The following USP42 variants were observed in gnomAD, a reference collection of about 807,000 sequenced individuals.
The protein encoded by USP42 is ubiquitin carboxyl-terminal hydrolase 42.
In USP42, 23 loss-of-function variants were observed where a neutral mutation model predicts 113.0. That is an observed-to-expected ratio of 0.20 (90% CI 0.15 to 0.29). The LOEUF is 0.29. USP42 is among the 10% of genes least tolerant of loss of function. USP42 has a pLI of 1.00. For missense variants in USP42, 2,174 were observed against 1,779.8 expected (o/e 1.22, Z -3.99); for synonymous variants, 933 against 699.0 (o/e 1.33, Z -5.28).
intron 3 of USP42, among the ~76,000 whole-genome samples, chr7:6,116,077 C>T (rs189205285): frequency 2.3e-4 from 33 of 146,474 alleles, no homozygotes; most frequent in Middle Eastern, 7.1e-3. Context: ...GTACTTCAGC[C>T]TAGACAACAG....
rs189370785 is a variant in USP42 at position 6,154,108 on chromosome 7, C to T, written c.2554C>T (p.Pro852Ser). The T allele has an allele frequency of 4.0e-4, 640 of 1,603,910 alleles. No individual in the cohort carries two copies. The highest frequency in any genetic ancestry group is 4.7e-4 in the Non-Finnish European group (552 of 1,177,974). The change falls in exon 15 of 18, where the codon CCG (proline) becomes TCG (serine). Residue 852 changes from proline to serine, a missense_variant. Coordinates refer to ENST00000306177, the MANE Select transcript of USP42 (RefSeq NM_032172.3). ...GPRDSALAEA[P>S]EGLSPAPPAR... is the part of the protein sequence containing the mutation. ...GCGGGACTCGGCGTTGGCGGAAGCC[C>T]CGGAAGGGTTGAGTCCGGCTCCGCC...
chr7:6,125,440 A>G (rs893029211), intron 3 of USP42, among the ~76,000 whole-genome samples: 14 of 152,178 alleles, frequency 9.2e-5, no homozygotes, highest in African/African-American at 3.4e-4. Flanking sequence ...CAGTGAGCCA[A>G]GAACACACCA....
chr7:6,114,173 G>A (rs1779751123), intron 2 of USP42, among the ~76,000 whole-genome samples: 3 of 152,046 alleles, frequency 2.0e-5, no homozygotes, highest in African/African-American at 7.2e-5. Context: ...TGGTAAAATG[G>A]GAATGACATC....
rs1335708358 is a variant in USP42 at position 6,159,438 on chromosome 7, T to G, written c.3944-12T>G. The G allele has an allele frequency of 6.2e-7, 1 of 1,613,962 alleles. No homozygotes were observed. Among genetic ancestry groups the G allele is most frequent in the Non-Finnish European group, 8.5e-7 (1 of 1,179,876 alleles). On this transcript the variant is annotated splice_polypyrimidine_tract_variant and intron_variant, in intron 16 of 17. Transcript: ENST00000306177. This position sits in a 1 kb window ranked among gnomAD's most constrained non-coding sequence, Gnocchi z 4.1. Reference sequence around the variant, plus strand: ...CATCATTAAAATCTCTTTCCTGACCTTTGCTTTCTAGGTGATTGAAAACTC... The same window carrying G: ...CATCATTAAAATCTCTTTCCTGACCGTTGCTTTCTAGGTGATTGAAAACTC...
the USP42 span, among the ~76,000 whole-genome samples, chr7:6,082,931 A>G: frequency 1.4e-5 from 2 of 144,622 alleles, no homozygotes; most frequent in South Asian, 2.1e-4. Flanking sequence ...TTAAATATAT[A>G]TAGATACATA....
chr7:6,150,658 C>A (rs566345), intron 14 of USP42, among the ~76,000 whole-genome samples, 152 bp downstream of exon 14: 1 of 152,178 alleles, frequency 6.6e-6, no homozygotes, highest in Non-Finnish European at 1.5e-5. Flanking sequence ...GATTTATTAA[C>A]TTGCCTTTTA....
At chr7:6,088,585 CCTT>C in the USP42 span, among the ~76,000 whole-genome samples, 10 of 151,154 alleles carry the variant, frequency 6.6e-5, no homozygotes, top group Admixed American at 6.6e-4. Flanking sequence ...TATTGACAAT[CCTT>C]CTTTGCTCCT....
intron 2 of USP42, among the ~76,000 whole-genome samples, chr7:6,112,716 A>C (rs1448358337): frequency 6.6e-6 from 1 of 151,864 alleles, no homozygotes; most frequent in Non-Finnish European, 1.5e-5. Flanking sequence ...TTCTTAAAAC[A>C]TTGAGTTTTT....
At chr7:6,089,000 GCC>G in the USP42 span, 6 of 150,344 alleles carry the variant, frequency 4.0e-5, no homozygotes, top group East Asian at 9.7e-4. Flanking sequence ...CTGAGCCAGA[GCC>G]TGCACTGGGG....
intron 11 of USP42, 121 bp downstream of exon 11, chr7:6,146,369 T>C (rs983503414): frequency 1.4e-6 from 1 of 703,198 alleles, no homozygotes; most frequent in Non-Finnish European, 2.3e-6. Context: ...AGCTTAAAGA[T>C]CAACTCTAGC....
chr7:6,154,782 C>G lies in USP42; in HGVS notation c.3228C>G (p.Pro1076=). 6.4e-7 allele frequency: 1 copy of G among 1,550,706 alleles called. No individual in the cohort carries two copies. Among genetic ancestry groups the G allele is most frequent in the South Asian group, 1.2e-5 (1 of 84,098 alleles). ...TGTACGCTGCCCGGGACTGGAAGCCCTTCCACGGCGGCCGCGAGCACGAGC... is the reference window on the plus strand; with the variant it reads ...TGTACGCTGCCCGGGACTGGAAGCCGTTCCACGGCGGCCGCGAGCACGAGC... The part of the protein sequence containing the change: ...YALYAARDWK[P]FHGGREHERA... Residue 1076 remains proline (P), a synonymous_variant, in exon 15 of 18, where the codon CCC becomes CCG. Coordinates refer to ENST00000306177, the MANE Select transcript of USP42 (RefSeq NM_032172.3).
intron 11 of USP42, among the ~76,000 whole-genome samples, chr7:6,147,122 T>C (rs78397503): frequency 0.035 from 5,280 of 152,228 alleles, 325 homozygotes; most frequent in African/African-American, 0.12. Context: ...TATTAAACAC[T>C]GGCATTGGAT....
rs894304301 is a variant in USP42, at chr7:6,154,771, G to A, written c.3217G>A (p.Asp1073Asn). Residue 1073 changes from aspartate (D) to asparagine (N), a missense_variant, in exon 15 of 18, where the codon GAC becomes AAC. Transcript: ENST00000306177. Reference protein sequence around the residue: ...HDRYALYAARDWKPFHGGREH... With the variant: ...HDRYALYAARNWKPFHGGREH... ...CAGGTACGCCCTGTACGCTGCCCGG[G>A]ACTGGAAGCCCTTCCACGGCGGCCG... 2 of 1,554,672 alleles carry A rather than the reference G, an allele frequency of 1.3e-6. No homozygotes were observed. The highest frequency in any genetic ancestry group is 1.9e-5 in the Admixed American group (1 of 51,330).
intron 2 of USP42, among the ~76,000 whole-genome samples, chr7:6,112,900 CTTTTTTTTTT>C (rs34002709): frequency 1.9e-5 from 2 of 102,738 alleles, no homozygotes; most frequent in African/African-American, 4.0e-5. Flanking sequence ...TAGTAAGTTT[CTTTTTTTTTT>C]TTTTTTTTTT....
chr7:6,092,123 C>CCTT, the USP42 span, among the ~76,000 whole-genome samples: 516 of 129,020 alleles, frequency 4.0e-3, 26 homozygotes, highest in African/African-American at 0.016. Flanking sequence ...TCTTCCTCTT[C>CCTT]CTTCTTCTTC....
chr7:6,128,285 T>G (rs1780652237), intron 3 of USP42: 1 of 148,336 alleles, frequency 6.7e-6, no homozygotes, highest in Non-Finnish European at 1.5e-5. Flanking sequence ...CTCCTTGAGA[T>G]GAGGTCTCAC....
At chr7:6,123,568 A>G (rs10258373) in intron 3 of USP42, among the ~76,000 whole-genome samples, 1 of 152,136 alleles carries the variant, frequency 6.6e-6, no homozygotes, top group Non-Finnish European at 1.5e-5. Flanking sequence ...AGGCTGAGGC[A>G]GGAGAATGGC....
upstream of USP42, among the ~76,000 whole-genome samples, chr7:6,102,832 G>C (rs143035256): frequency 2.0e-5 from 3 of 151,282 alleles, no homozygotes; most frequent in African/African-American, 7.4e-5. Flanking sequence ...AATGCTCAGA[G>C]TGGGGGAGTC....
At chr7:6,133,398 T>C (rs6957141) in intron 3 of USP42, among the ~76,000 whole-genome samples, 3,597 of 152,358 alleles carry the variant, frequency 0.024, 132 homozygotes, top group African/African-American at 0.083. Flanking sequence ...AGATTTTCTC[T>C]CTCTGTGTTT....
Sources: allele counts gnomAD v4.1 joint callset (sites outside exome capture counted in the v4.1 genomes callset), GRCh38; gene constraint gnomAD v4.1.1; non-coding constraint Gnocchi (gnomAD v3.1); transcripts MANE v1.5; gene names NCBI Gene and HGNC (gene_info 2026-07-23, HGNC 2026-07-21).